Variants in MTUS1 observed in about 807,000 individuals in gnomAD.
The protein encoded by MTUS1 is microtubule-associated tumor suppressor 1.
MTUS1 carries 109 observed loss-of-function variants against 120.8 expected under a neutral mutation model. The observed-to-expected ratio is 0.90, with a 90% CI of 0.77 to 1.06. The LOEUF is 1.06. MTUS1 is among the 50% of genes least tolerant of loss of function. MTUS1 has a pLI of 0.00. For synonymous variants in MTUS1, 737 were observed against 550.5 expected (o/e 1.34, Z -4.74); for missense variants, 2,210 against 1,486.3 (o/e 1.49, Z -8.01).
intron 12 of MTUS1, 32 bp downstream of exon 12, chr8:17,653,154 T>C: frequency 7.7e-7 from 1 of 1,300,158 alleles, no homozygotes; most frequent in Non-Finnish European, 1.1e-6. Context: ...GAAGAAAAAT[T>C]CCATACTGAT....
At chr8:17,721,908 G>C in intron 4 of MTUS1, 1 of 1,609,116 alleles carries the variant, frequency 6.2e-7, no homozygotes, top group South Asian at 1.1e-5. Flanking sequence ...TCATTTAAAA[G>C]GATCAAAGCA....
At chr8:17,660,395 C>T (rs1809416327) in intron 8 of MTUS1, among the ~76,000 whole-genome samples, 1 of 152,068 alleles carries the variant, frequency 6.6e-6, no homozygotes, top group South Asian at 2.1e-4. Flanking sequence ...TGATAATATT[C>T]CATTGCACGT....
chr8:17,656,432 G>A (rs1808245882), intron 8 of MTUS1, among the ~76,000 whole-genome samples: 1 of 151,890 alleles, frequency 6.6e-6, no homozygotes, highest in African/African-American at 2.4e-5. Flanking sequence ...GGAGGGTGAG[G>A]CAGGAGAATT....
chr8:17,751,489 C>T (rs978578554), intron 2 of MTUS1, among the ~76,000 whole-genome samples: 2 of 152,156 alleles, frequency 1.3e-5, no homozygotes, highest in African/African-American at 4.8e-5. Flanking sequence ...CTTTCCAGTC[C>T]TCCTTCCCAG....
chr8:17,656,099 CATTTT>C, intron 8 of MTUS1, 34 bp from the exon 9 acceptor site: 1 of 1,596,642 alleles, frequency 6.3e-7, no homozygotes, highest in South Asian at 1.1e-5. Flanking sequence ...GGGAAGAGGT[CATTTT>C]ATTTGTGAAA....
intron 1 of MTUS1, among the ~76,000 whole-genome samples, chr8:17,778,959 C>G (rs1210958513): frequency 6.6e-6 from 1 of 152,150 alleles, no homozygotes; most frequent in African/African-American, 2.4e-5. Context: ...GCCAAATGCT[C>G]TGCTATGAGC....
In MTUS1 at chr8:17,654,790, C is replaced by T. The variant is rs1807842117; in HGVS notation, c.3109-124G>A. The T allele has an allele frequency of 3.3e-5, 22 of 664,494 alleles. No individual in the cohort carries two copies. In the South Asian group the frequency reaches 3.9e-4, roughly 12 times the overall value. 41.2% of individuals were successfully genotyped at this position (664,494 alleles called of 1,614,324 possible). A position where few individuals can be genotyped will look rare whatever the true frequency, so the allele number is the denominator to read the frequency against. ...GTAAGCGTGGGCTCTAGTTTAAAGG[C>T]TCCTCAACACATACAAAGGTCAGGG... On this transcript the variant is annotated intron_variant, in intron 9 of 14. Transcript: ENST00000693296.
chr8:17,720,354 A>C (rs1014668298), intron 4 of MTUS1, among the ~76,000 whole-genome samples: 4 of 151,792 alleles, frequency 2.6e-5, no homozygotes, highest in Non-Finnish European at 4.4e-5. Flanking sequence ...TAAAAAAAAA[A>C]AAAACAAAAA....
rs754811554 is a variant in MTUS1, at chr8:17,754,284, C to A, written c.1524G>T (p.Lys508Asn). 1 of 1,614,044 alleles carries A rather than the reference C, an allele frequency of 6.2e-7. No homozygotes were observed. Among genetic ancestry groups the A allele is most frequent in the Non-Finnish European group, 8.5e-7 (1 of 1,180,014 alleles). ...TAGACATAACTTTTGCTTTGACATT[C>A]TTGAAGTTTGGTCTTGGGTAACTTA... Reference protein sequence around the residue: ...EIISYPRPNFKNVKAKVMSRA... With the variant: ...EIISYPRPNFNNVKAKVMSRA... The change falls in exon 2 of 15, where the codon AAG (lysine) becomes AAT (asparagine). Residue 508 changes from lysine (K) to asparagine (N), a missense_variant. Transcript: ENST00000693296.
At chr8:17,779,336 T>C (rs1257939268) in intron 1 of MTUS1, among the ~76,000 whole-genome samples, 2 of 152,210 alleles carry the variant, frequency 1.3e-5, no homozygotes, top group African/African-American at 4.8e-5. Flanking sequence ...CGTAATGATG[T>C]GTTTTGGATT....
chr8:17,747,792 C>T (rs376618972), intron 2 of MTUS1, among the ~76,000 whole-genome samples: 1 of 152,056 alleles, frequency 6.6e-6, no homozygotes, highest in African/African-American at 2.4e-5. Context: ...GGGCAACTTA[C>T]AAAAGAAAGA....
At chr8:17,748,581 G>A (rs1476978881) in intron 2 of MTUS1, among the ~76,000 whole-genome samples, 1 of 152,228 alleles carries the variant, frequency 6.6e-6, no homozygotes, top group Non-Finnish European at 1.5e-5. Context: ...ACTGTAGCAT[G>A]CCCTCTGGGG....
intron 6 of MTUS1, among the ~76,000 whole-genome samples, chr8:17,709,985 C>T (rs866906380): frequency 6.0e-5 from 9 of 149,642 alleles, no homozygotes; most frequent in Middle Eastern, 3.4e-3. Flanking sequence ...CCAGCCTGGG[C>T]GACAGAGCAA....
intron 6 of MTUS1, among the ~76,000 whole-genome samples, chr8:17,696,896 C>T (rs565725740): frequency 1.3e-5 from 2 of 152,286 alleles, no homozygotes; most frequent in East Asian, 3.9e-4. Flanking sequence ...CACAGGCGAA[C>T]AGGAAATATT....
At chr8:17,789,214 T>C (rs942089389) in intron 1 of MTUS1, among the ~76,000 whole-genome samples, 3 of 152,132 alleles carry the variant, frequency 2.0e-5, no homozygotes, top group Non-Finnish European at 4.4e-5. Context: ...GTAATTTTAG[T>C]AGATACAGGG....
chr8:17,681,259 G>C (rs957299681), intron 7 of MTUS1, among the ~76,000 whole-genome samples: 2 of 152,078 alleles, frequency 1.3e-5, no homozygotes, highest in African/African-American at 2.4e-5. Context: ...TCAGTTGTTT[G>C]TGTACTGAAT....
rs1164422824 is a variant in MTUS1, at chr8:17,742,279, TTTG to T, written c.2287+1322_2287+1324del. 2.9e-3 allele frequency among the ~76,000 whole-genome samples: 347 copies of T among 119,940 alleles called. 15 individuals carry two copies. Among genetic ancestry groups the T allele is most frequent in the South Asian group, 6.2e-3 (22 of 3,534 alleles). The allele number at this position is 119,940 out of a possible 152,430, so 78.7% of individuals were successfully genotyped here. On this transcript the variant is annotated intron_variant, in intron 3 of 14. Transcript: ENST00000693296. ...CTCTCATGCCCAGCTGTTTTTTTTT[TTTG>T]TTGTTGTTGTTTTTTTTTTTTTTTT...
chr8:17,649,924 T>C lies in MTUS1; in HGVS notation c.3423A>G (p.Glu1141=), dbSNP rs1407478297. 2.5e-6 allele frequency: 4 copies of C among 1,610,884 alleles called. No individual in the cohort carries two copies. In the African/African-American group the frequency reaches 5.3e-5, roughly 22 times the overall value. The change falls in exon 13 of 15, where the codon GAA becomes GAG. Residue 1141 remains glutamate, a synonymous_variant. Transcript: ENST00000693296. ...TGATCTCTAACACAGCTTTCAGGCT[T>C]TCTAACTCCTGTTCTAGATACATGA... is the stretch of plus-strand genomic sequence containing the variant. ...PQIMYLEQEL[E]SLKAVLEIKN... is the part of the protein sequence containing the mutation.
intron 4 of MTUS1, chr8:17,722,272 G>A (rs2045904282): frequency 2.0e-6 from 2 of 988,688 alleles, no homozygotes; most frequent in Non-Finnish European, 2.4e-6. Context: ...CGGGGCTGTG[G>A]CACTACAGAC....
Sources: allele counts gnomAD v4.1 joint callset (sites outside exome capture counted in the v4.1 genomes callset), GRCh38; gene constraint gnomAD v4.1.1; transcripts MANE v1.5; gene names NCBI Gene and HGNC (gene_info 2026-07-23, HGNC 2026-07-21).